Variants in PHACTR1 observed in about 807,000 individuals in gnomAD.
The protein encoded by PHACTR1 is phosphatase and actin regulator 1, also known as RPEL repeat containing 1.
In PHACTR1, 16 loss-of-function variants were observed where a neutral mutation model predicts 69.2. The observed-to-expected ratio is 0.23, with a 90% CI of 0.16 to 0.35. The LOEUF (loss-of-function observed/expected upper bound fraction) is 0.35, where lower values mean the gene tolerates loss of function less well. PHACTR1 is among the 10% of genes least tolerant of loss of function. The pLI is 1.00. For synonymous variants in PHACTR1, 312 were observed against 284.5 expected (o/e 1.10, Z -0.97); for missense variants, 510 against 734.7 (o/e 0.69, Z 3.54).
At chr6:13,204,208 C>T (rs1765595064) in intron 7 of PHACTR1, among the ~76,000 whole-genome samples, 1 of 152,076 alleles carries the variant, frequency 6.6e-6, no homozygotes, top group African/African-American at 2.4e-5. Flanking sequence ...AGGTTTAGTC[C>T]ATGGATGGGT....
rs559880467 is a variant in PHACTR1 at position 13,074,566 on chromosome 6, G to A, written c.415+21037G>A. 2.6e-5 allele frequency among the ~76,000 whole-genome samples: 4 copies of A among 152,320 alleles called. No homozygotes were observed. In the South Asian group the frequency reaches 8.3e-4, roughly 32 times the overall value. On this transcript the variant is annotated intron_variant, in intron 5 of 14. Coordinates refer to ENST00000332995, the MANE Select transcript of PHACTR1 (RefSeq NM_030948.6). ...GCATTCCACATGCAGGAAAAAGAGA[G>A]GCTGCAAAGTTTCAGATTTGAGGAA...
intron 7 of PHACTR1, among the ~76,000 whole-genome samples, chr6:13,203,511 T>C (rs1763056863): frequency 6.6e-6 from 1 of 152,224 alleles, no homozygotes; most frequent in African/African-American, 2.4e-5. Flanking sequence ...ATGACTGTCG[T>C]CATTCCTGCT....
chr6:12,852,465 G>T (rs554153729), intron 4 of PHACTR1, among the ~76,000 whole-genome samples: 4 of 152,316 alleles, frequency 2.6e-5, no homozygotes, highest in Admixed American at 1.3e-4. Flanking sequence ...TTCTGAATCT[G>T]CCGTTACCCA....
At chr6:13,215,423 G>C (rs1044751759) in intron 8 of PHACTR1, among the ~76,000 whole-genome samples, 1 of 152,206 alleles carries the variant, frequency 6.6e-6, no homozygotes, top group Non-Finnish European at 1.5e-5. Context: ...ATGGAGAGGA[G>C]AATGGGAATG....
intron 3 of PHACTR1, among the ~76,000 whole-genome samples, chr6:12,721,858 C>T (rs537262097): frequency 9.8e-5 from 15 of 152,308 alleles, no homozygotes; most frequent in East Asian, 1.9e-4. Flanking sequence ...GTACCATGGC[C>T]GGCACCCTTC....
At chr6:12,908,928 G>A (rs141780928) in intron 4 of PHACTR1, among the ~76,000 whole-genome samples, 2 of 152,298 alleles carry the variant, frequency 1.3e-5, no homozygotes, top group African/African-American at 2.4e-5. Context: ...AAATGATACC[G>A]TCAAATTTCA....
At chr6:12,971,620 G>A (rs1033889185) in intron 4 of PHACTR1, among the ~76,000 whole-genome samples, 1 of 152,204 alleles carries the variant, frequency 6.6e-6, no homozygotes. Flanking sequence ...TGGGAATAAA[G>A]AATGGTGGTA....
intron 3 of PHACTR1, 46 bp downstream of exon 3, chr6:12,718,893 T>G (rs1761745840): frequency 1.5e-3 from 1,836 of 1,214,532 alleles, no homozygotes; most frequent in Non-Finnish European, 2.0e-3. Context: ...CACGTCGGTT[T>G]TATATGAACA....
chr6:12,966,503 G>A (rs977195445), intron 4 of PHACTR1, among the ~76,000 whole-genome samples: 5 of 152,338 alleles, frequency 3.3e-5, no homozygotes, highest in Non-Finnish European at 7.3e-5. Context: ...CTTGGAGGAA[G>A]AGAAGCACTA....
intron 5 of PHACTR1, among the ~76,000 whole-genome samples, chr6:13,107,633 G>C (rs1292372816): frequency 2.6e-5 from 4 of 152,006 alleles, no homozygotes; most frequent in Non-Finnish European, 5.9e-5. Flanking sequence ...TCTCTTGTTA[G>C]TTGTTGAGTT....
At chr6:12,849,186 G>C (rs985936410) in intron 4 of PHACTR1, among the ~76,000 whole-genome samples, 3 of 152,196 alleles carry the variant, frequency 2.0e-5, no homozygotes, top group Non-Finnish European at 4.4e-5. Context: ...CTCCCTAGGA[G>C]CGTGTGAAAG....
intron 12 of PHACTR1, chr6:13,281,384 T>C (rs1780164290): frequency 6.2e-6 from 2 of 324,772 alleles, no homozygotes; most frequent in Non-Finnish European, 1.2e-5. Context: ...CGAAACCCTA[T>C]CTCTATTAAA....
chr6:13,217,676 A>G (rs1042963402), intron 8 of PHACTR1, among the ~76,000 whole-genome samples: 4 of 152,236 alleles, frequency 2.6e-5, no homozygotes, highest in Admixed American at 2.0e-4. Context: ...CCTCGTCTAT[A>G]TATAGAACAG....
chr6:12,790,185 C>T (rs1772085501), intron 4 of PHACTR1, among the ~76,000 whole-genome samples: 2 of 152,126 alleles, frequency 1.3e-5, no homozygotes, highest in Non-Finnish European at 2.9e-5. Context: ...TGGTCAATTC[C>T]TAATTTCACT....
At chr6:12,758,675 T>G (rs1229788512) in intron 4 of PHACTR1, among the ~76,000 whole-genome samples, 1 of 152,142 alleles carries the variant, frequency 6.6e-6, no homozygotes, top group Non-Finnish European at 1.5e-5. Context: ...TTCTGTTTCA[T>G]ATGACTTCAA....
At chr6:13,160,416 T>C in intron 6 of PHACTR1, 132 bp downstream of exon 6, 1 of 792,402 alleles carries the variant, frequency 1.3e-6, no homozygotes, top group Non-Finnish European at 2.1e-6. Flanking sequence ...CTCCAGACAG[T>C]TCTAGAGAGA....
chr6:12,834,632 A>G (rs554946904), intron 4 of PHACTR1, among the ~76,000 whole-genome samples: 2 of 152,304 alleles, frequency 1.3e-5, no homozygotes, highest in Admixed American at 1.3e-4. Context: ...GGTGGAAACA[A>G]AAACTTGAGT....
At chr6:13,024,501 C>A (rs1318788415) in intron 4 of PHACTR1, among the ~76,000 whole-genome samples, 1 of 152,182 alleles carries the variant, frequency 6.6e-6, no homozygotes, top group Non-Finnish European at 1.5e-5. Flanking sequence ...ATCACGTCTG[C>A]AAATTTCAGT....
At chr6:12,738,181 T>C (rs1764544231) in intron 3 of PHACTR1, among the ~76,000 whole-genome samples, 1 of 152,206 alleles carries the variant, frequency 6.6e-6, no homozygotes, top group African/African-American at 2.4e-5. Context: ...GTGAAAAATA[T>C]AGTTTCCTTT....
Sources: gnomAD v4.1 joint callset for allele counts (sites outside exome capture counted in the v4.1 genomes callset) on GRCh38, gnomAD v4.1.1 for gene constraint, MANE v1.5 for transcripts, NCBI Gene and HGNC (gene_info 2026-07-23, HGNC 2026-07-21) for gene names.